HS3ST3A1: variants seen among roughly 807,000 people sequenced by gnomAD.
HS3ST3A1 encodes heparan sulfate-glucosamine 3-sulfotransferase 3A1, also known as heparan sulfate glucosamine 3-O-sulfotransferase 3A1.
HS3ST3A1 carries 19 observed loss-of-function variants against 25.7 expected under a neutral mutation model. That is an observed-to-expected ratio of 0.74 (90% CI 0.52 to 1.08). The LOEUF is 1.08. Ranked by LOEUF, HS3ST3A1 falls within the 50% of genes least tolerant of loss-of-function variation. HS3ST3A1 has a pLI of 0.00. For missense variants in HS3ST3A1, 459 were observed against 594.3 expected, an observed-to-expected ratio of 0.77 and a Z score of 2.37; for synonymous variants, 226 against 278.6, an observed-to-expected ratio of 0.81 and a Z score of 1.88.
chr17:13,531,351 T>C (rs975792221), intron 1 of HS3ST3A1, among the ~76,000 whole-genome samples: 1 of 152,172 alleles, frequency 6.6e-6, no homozygotes, highest in African/African-American at 2.4e-5. Flanking sequence ...TTCCCTTTCA[T>C]CAGAACAGGA....
chr17:13,540,973 T>A (rs939761973), intron 1 of HS3ST3A1, among the ~76,000 whole-genome samples: 2 of 152,228 alleles, frequency 1.3e-5, no homozygotes, highest in African/African-American at 4.8e-5. Flanking sequence ...AGGGAACACA[T>A]GTGGATTTGT....
intron 1 of HS3ST3A1, among the ~76,000 whole-genome samples, chr17:13,517,604 G>T (rs1906097749): frequency 6.6e-6 from 1 of 152,152 alleles, no homozygotes; most frequent in South Asian, 2.1e-4. Flanking sequence ...GAGTGAGTCA[G>T]ATATAGAGAA....
chr17:13,560,319 A>AAAAAAAAAAAAAAAAAAAAAAAAAAAAT (rs1907502490), intron 1 of HS3ST3A1, among the ~76,000 whole-genome samples: 1 of 143,922 alleles, frequency 6.9e-6, no homozygotes, highest in African/African-American at 2.6e-5. Context: ...AAAAAAAAAA[A>AAAAAAAAAAAAAAAAAAAAAAAAAAAAT]GTGTATTACC....
chr17:13,524,158 T>C (rs59369465), intron 1 of HS3ST3A1, among the ~76,000 whole-genome samples: 9,962 of 152,284 alleles, frequency 0.065, 711 homozygotes, highest in African/African-American at 0.17. Context: ...TATGAGTTTG[T>C]GGCCAAGTAT....
intron 1 of HS3ST3A1, among the ~76,000 whole-genome samples, chr17:13,536,299 C>CA (rs11422560): frequency 0.17 from 23,742 of 142,334 alleles, 4,095 homozygotes; most frequent in African/African-American, 0.45. Flanking sequence ...TGTTTGGAGA[C>CA]AAAAAAAAAA....
At chr17:13,589,792 G>A (rs1261213517) in intron 1 of HS3ST3A1, among the ~76,000 whole-genome samples, 1 of 152,208 alleles carries the variant, frequency 6.6e-6, no homozygotes. Context: ...GGCAAACATG[G>A]CTTCCGTTTA....
chr17:13,515,409 C>T (rs889530966), intron 1 of HS3ST3A1, among the ~76,000 whole-genome samples: 4 of 151,224 alleles, frequency 2.6e-5, no homozygotes, highest in Admixed American at 1.3e-4. Context: ...ATCTGCCTGC[C>T]TTCGCCTCCC....
chr17:13,556,528 G>GAAATAAAATAAAAT (rs1907380324), intron 1 of HS3ST3A1, among the ~76,000 whole-genome samples: 1 of 149,284 alleles, frequency 6.7e-6, no homozygotes, highest in Non-Finnish European at 1.5e-5. Context: ...TAAAATAAAA[G>GAAATAAAATAAAAT]AAAATAAAAT....
chr17:13,550,341 A>G (rs1430212091), intron 1 of HS3ST3A1, among the ~76,000 whole-genome samples: 2 of 152,176 alleles, frequency 1.3e-5, no homozygotes, highest in Non-Finnish European at 2.9e-5. Context: ...CCAGTATGGC[A>G]TAAGGTGTGA....
At chr17:13,528,121 T>C (rs1598415087) in intron 1 of HS3ST3A1, among the ~76,000 whole-genome samples, 1 of 152,090 alleles carries the variant, frequency 6.6e-6, no homozygotes. Flanking sequence ...GATCATACAG[T>C]CAGGGAAGTT....
rs963511355 is a variant in HS3ST3A1, at chr17:13,601,173, C to T, written c.-44G>A. On this transcript the variant is annotated 5_prime_UTR_variant, in exon 1 of 2. Coordinates refer to ENST00000284110, the MANE Select transcript of HS3ST3A1 (RefSeq NM_006042.3). The stretch of plus-strand genomic sequence containing the variant: ...CGGGCAACGCGCCGGCCATGCTAGG[C>T]CTGGACCCCGACAGGTGCCAGAGCA... 8.5e-6 allele frequency: 12 copies of T among 1,403,882 alleles called. No homozygotes were observed. In the African/African-American group the frequency reaches 1.2e-4, roughly 14 times the overall value. The allele number at this position is 1,403,882 out of a possible 1,614,324, so 87.0% of individuals were successfully genotyped here.
chr17:13,542,084 T>A (rs953423867), intron 1 of HS3ST3A1, among the ~76,000 whole-genome samples: 1 of 151,994 alleles, frequency 6.6e-6, no homozygotes. Context: ...TCCCAGCAGT[T>A]TAGGAGGCCA....
chr17:13,515,262 C>T (rs537131681), intron 1 of HS3ST3A1, among the ~76,000 whole-genome samples: 10 of 152,260 alleles, frequency 6.6e-5, no homozygotes, highest in South Asian at 6.2e-4. Flanking sequence ...TGGGTTCAGG[C>T]GATTCTCCCG....
chr17:13,545,092 C>T (rs912005338), intron 1 of HS3ST3A1, among the ~76,000 whole-genome samples: 1 of 152,100 alleles, frequency 6.6e-6, no homozygotes, highest in African/African-American at 2.4e-5. Flanking sequence ...CTGGCATGTG[C>T]GCTTGTCAAA....
intron 1 of HS3ST3A1, among the ~76,000 whole-genome samples, chr17:13,515,113 AT>A (rs1906007696): frequency 6.6e-6 from 1 of 152,224 alleles, no homozygotes; most frequent in Non-Finnish European, 1.5e-5. Flanking sequence ...TCAATAAAAA[AT>A]GTTCTAGAAT....
intron 1 of HS3ST3A1, among the ~76,000 whole-genome samples, chr17:13,570,712 C>T (rs1027766685): frequency 7.9e-5 from 12 of 152,282 alleles, no homozygotes; most frequent in East Asian, 1.9e-4. Context: ...TTGGGCAATT[C>T]GCCAGCCTCA....
chr17:13,578,168 A>G (rs954947827), intron 1 of HS3ST3A1, among the ~76,000 whole-genome samples: 4 of 152,126 alleles, frequency 2.6e-5, no homozygotes, highest in Non-Finnish European at 5.9e-5. Context: ...ACATTGAACA[A>G]TAAGGATTGC....
intron 1 of HS3ST3A1, among the ~76,000 whole-genome samples, chr17:13,516,415 T>C (rs1054510465): frequency 1.8e-4 from 27 of 152,340 alleles, no homozygotes; most frequent in African/African-American, 6.3e-4. Context: ...AGTTTGTAGT[T>C]TGACTTCGCA....
intron 1 of HS3ST3A1, among the ~76,000 whole-genome samples, chr17:13,547,004 G>A (rs749247739): frequency 6.6e-6 from 1 of 152,134 alleles, no homozygotes; most frequent in African/African-American, 2.4e-5. Context: ...GGAATTTCAT[G>A]TTTTGCAGTT....
Sources: allele counts gnomAD v4.1 joint callset (sites outside exome capture counted in the v4.1 genomes callset), GRCh38; gene constraint gnomAD v4.1.1; transcripts MANE v1.5; gene names NCBI Gene and HGNC (gene_info 2026-07-23, HGNC 2026-07-21).